Variants in POC1A observed in about 807,000 individuals in gnomAD.
POC1A encodes the protein POC1 centriolar protein homolog A.
A neutral mutation model predicts 47.8 loss-of-function variants in POC1A; 34 were observed. That is an observed-to-expected ratio of 0.71 (90% CI 0.54 to 0.95). The LOEUF (loss-of-function observed/expected upper bound fraction) is 0.95, where lower values mean the gene tolerates loss of function less well. POC1A is among the 40% of genes least tolerant of loss of function. POC1A has a pLI of 0.00. For missense variants in POC1A, 466 were observed against 528.3 expected (o/e 0.88, Z 1.16); for synonymous variants, 177 against 207.6 (o/e 0.85, Z 1.27).
At chr3:52,125,365 C>T (rs910134170) in intron 7 of POC1A, among the ~76,000 whole-genome samples, 184 bp from the exon 8 acceptor site, 5 of 152,166 alleles carry the variant, frequency 3.3e-5, no homozygotes, top group African/African-American at 4.8e-5. Flanking sequence ...CAAGCACCAC[C>T]GCTCAGGCTT....
intron 9 of POC1A, among the ~76,000 whole-genome samples, chr3:52,116,114 G>A (rs1425272587): frequency 6.6e-6 from 1 of 152,118 alleles, no homozygotes; most frequent in Non-Finnish European, 1.5e-5. Flanking sequence ...CAAGGCACCT[G>A]GAGTGAGAAC....
At chr3:52,080,028 C>T (rs978937672) in intron 10 of POC1A, among the ~76,000 whole-genome samples, 7 of 152,184 alleles carry the variant, frequency 4.6e-5, no homozygotes, top group African/African-American at 1.4e-4. Flanking sequence ...TGACCCTCTG[C>T]TCTGTGGGCT....
intron 10 of POC1A, among the ~76,000 whole-genome samples, chr3:52,078,023 G>A (rs1281362703): frequency 6.6e-6 from 1 of 152,164 alleles, no homozygotes; most frequent in Non-Finnish European, 1.5e-5. Flanking sequence ...CATGAAGGGT[G>A]CCACCCCGTT....
chr3:52,086,106 C>G (rs191527891), intron 10 of POC1A, among the ~76,000 whole-genome samples: 9 of 152,184 alleles, frequency 5.9e-5, no homozygotes, highest in African/African-American at 1.9e-4. Flanking sequence ...GTGGGCGCCC[C>G]CATGATGTCT....
chr3:52,126,419 C>T (rs1213121004), intron 7 of POC1A, among the ~76,000 whole-genome samples: 1 of 152,222 alleles, frequency 6.6e-6, no homozygotes, highest in Admixed American at 6.5e-5. Context: ...CCCACCCATG[C>T]TTCCAGAGTC....
At chr3:52,081,348 C>T (rs1702272766) in intron 10 of POC1A, among the ~76,000 whole-genome samples, 1 of 152,204 alleles carries the variant, frequency 6.6e-6, no homozygotes, top group Admixed American at 6.5e-5. Context: ...CCTCGCTCTT[C>T]CCTTACTCAA....
At chr3:52,083,872 G>C (rs1331376652) in intron 10 of POC1A, among the ~76,000 whole-genome samples, 1 of 152,254 alleles carries the variant, frequency 6.6e-6, no homozygotes, top group Non-Finnish European at 1.5e-5. Flanking sequence ...CAAGTACTAG[G>C]TGCAGCAGGT....
At chr3:52,129,171 C>T (rs1577889712) in intron 7 of POC1A, among the ~76,000 whole-genome samples, 6 of 152,006 alleles carry the variant, frequency 3.9e-5, no homozygotes, top group Admixed American at 3.9e-4. Flanking sequence ...CCCAGCTACT[C>T]GAGAGGCTGA....
intron 10 of POC1A, among the ~76,000 whole-genome samples, chr3:52,081,618 T>C (rs1702296686): frequency 6.6e-6 from 1 of 152,156 alleles, no homozygotes; most frequent in Admixed American, 6.5e-5. Context: ...GCACGTGTGC[T>C]GGAGCAAGAA....
chr3:52,115,432 C>T (rs1387638075), intron 9 of POC1A, among the ~76,000 whole-genome samples: 1 of 152,338 alleles, frequency 6.6e-6, no homozygotes, highest in South Asian at 2.1e-4. Flanking sequence ...ACCCACACTT[C>T]TCCCCTCTAC....
intron 7 of POC1A, among the ~76,000 whole-genome samples, chr3:52,137,153 C>A (rs1419998310): frequency 6.6e-6 from 1 of 152,110 alleles, no homozygotes; most frequent in Non-Finnish European, 1.5e-5. Flanking sequence ...CTGGATATGT[C>A]TCTGACAGGG....
At chr3:52,122,552 C>A in intron 8 of POC1A, 75 bp from the exon 9 acceptor site, 1 of 935,222 alleles carries the variant, frequency 1.1e-6, no homozygotes. Flanking sequence ...GAAATGGGCT[C>A]AGAGGCCATG....
chr3:52,134,441 G>A (rs1206473198), intron 7 of POC1A, among the ~76,000 whole-genome samples: 1 of 152,246 alleles, frequency 6.6e-6, no homozygotes, highest in African/African-American at 2.4e-5. Context: ...AGACCAGCCT[G>A]GCCAACACGG....
At chr3:52,109,563 A>G (rs931070087) in intron 9 of POC1A, among the ~76,000 whole-genome samples, 5 of 152,114 alleles carry the variant, frequency 3.3e-5, no homozygotes, top group African/African-American at 7.2e-5. Flanking sequence ...TGGGACTCCA[A>G]GAGGAAGCTC....
At chr3:52,088,139 C>T (rs1702523119) in intron 10 of POC1A, among the ~76,000 whole-genome samples, 1 of 152,168 alleles carries the variant, frequency 6.6e-6, no homozygotes, top group Non-Finnish European at 1.5e-5. Context: ...TGATAGCTTG[C>T]TGGAGGCCTG....
intron 6 of POC1A, among the ~76,000 whole-genome samples, chr3:52,139,421 C>T (rs905521144): frequency 1.3e-5 from 2 of 152,134 alleles, no homozygotes; most frequent in Non-Finnish European, 2.9e-5. Flanking sequence ...CTCCAAGAGC[C>T]GGCCACCCCA....
intron 9 of POC1A, among the ~76,000 whole-genome samples, chr3:52,112,206 T>A (rs1244511127): frequency 6.6e-6 from 1 of 152,184 alleles, no homozygotes; most frequent in South Asian, 2.1e-4. Flanking sequence ...CAGGCTGAAG[T>A]GCGGTGGTGC....
intron 6 of POC1A, among the ~76,000 whole-genome samples, chr3:52,143,274 ATC>A: frequency 6.6e-6 from 1 of 151,976 alleles, no homozygotes; most frequent in Non-Finnish European, 1.5e-5. Context: ...CCTGGAGCTC[ATC>A]TGAGTCCATC....
intron 8 of POC1A, 69 bp downstream of exon 8, chr3:52,125,044 G>C (rs1577881930): frequency 7.9e-7 from 1 of 1,272,598 alleles, no homozygotes; most frequent in East Asian, 2.3e-5. Context: ...CAAACACCCT[G>C]TTTGGTTCTG....
Sources: allele counts gnomAD v4.1 joint callset (sites outside exome capture counted in the v4.1 genomes callset), GRCh38; gene constraint gnomAD v4.1.1; transcripts MANE v1.5; gene names NCBI Gene and HGNC (gene_info 2026-07-23, HGNC 2026-07-21).